Variants in DPP6 observed in about 807,000 individuals in gnomAD.
DPP6 encodes dipeptidyl peptidase like 6, also known as A-type potassium channel modulatory protein DPP6.
Under a neutral mutation model 122.6 loss-of-function variants are expected in DPP6, and 69 were observed. The ratio of observed to expected loss-of-function variants is 0.56; its 90% CI spans 0.46 to 0.69. The LOEUF (loss-of-function observed/expected upper bound fraction) is 0.69, where lower values mean the gene tolerates loss of function less well. Ranked by LOEUF, DPP6 falls within the 30% of genes least tolerant of loss-of-function variation. The pLI is 0.00. For missense variants in DPP6, 928 were observed against 1,116.9 expected (o/e 0.83, Z 2.41); for synonymous variants, 418 against 433.1 (o/e 0.97, Z 0.43).
At chr7:154,093,083 TACAC>T (rs752883665) in intron 1 of DPP6, among the ~76,000 whole-genome samples, 8 of 151,220 alleles carry the variant, frequency 5.3e-5, no homozygotes, top group Middle Eastern at 3.4e-3. Context: ...TATCACATAA[TACAC>T]ACCCCACATA....
intron 1 of DPP6, among the ~76,000 whole-genome samples, chr7:154,015,541 C>T (rs1292004487): frequency 1.3e-5 from 2 of 152,152 alleles, no homozygotes; most frequent in Non-Finnish European, 2.9e-5. Flanking sequence ...CTCCTCATCC[C>T]CATGGCCATC....
rs554355894 is a variant in DPP6 at position 153,913,706 on chromosome 7, C to A, written c.51+25972C>A. Among the ~76,000 whole-genome samples, 4 of 152,200 alleles carry A rather than the reference C, an allele frequency of 2.6e-5. No individual in the cohort carries two copies. The South Asian group carries it at 6.2e-4, about 24-fold the overall frequency. On this transcript the variant is annotated intron_variant, in intron 1 of 25. Coordinates refer to the DPP6 transcript ENST00000404039. ...CATTGTTAAACTTTGCTTTTTCAGA[C>A]CTTAGAAACATGTTAAAGTCTTGCA... is the stretch of plus-strand genomic sequence containing the variant.
Position 154,760,126 on chromosome 7 carries a change from AC to A in DPP6, c.884-9290del, listed in dbSNP as rs944734796. Among the ~76,000 whole-genome samples the A allele has an allele frequency of 1.3e-5, 2 of 152,094 alleles. No homozygotes were observed. The highest frequency in any genetic ancestry group is 2.9e-5 in the Non-Finnish European group (2 of 68,032). The stretch of plus-strand genomic sequence containing the variant: ...TGACAGAGCGAGATTCTGTCTCAAA[AC>A]AAAAAAAAGTCTATTCCCAAGGAGA... On this transcript the variant is annotated intron_variant, in intron 8 of 25. Transcript: ENST00000377770. This position sits in a 1 kb window ranked among gnomAD's most constrained non-coding sequence, Gnocchi z 4.5.
At chr7:153,897,186 A>G (rs550932995) in intron 1 of DPP6, among the ~76,000 whole-genome samples, 36 of 152,334 alleles carry the variant, frequency 2.4e-4, no homozygotes, top group Non-Finnish European at 4.0e-4. Flanking sequence ...GAGAGAGTAT[A>G]TAGTGGGGCT....
intron 8 of DPP6, among the ~76,000 whole-genome samples, chr7:154,757,000 A>G (rs1160352695): frequency 6.6e-6 from 1 of 151,216 alleles, no homozygotes; most frequent in Non-Finnish European, 1.5e-5. Flanking sequence ...ACGGCCCCTG[A>G]GGAACAGGCC....
chr7:153,856,479 A>G, the DPP6 span, among the ~76,000 whole-genome samples: 2 of 152,174 alleles, frequency 1.3e-5, no homozygotes, highest in African/African-American at 2.4e-5. Context: ...ATTTACTTTT[A>G]TTTAATTCAT....
chr7:154,312,324 C>T (rs1806971453), intron 1 of DPP6, among the ~76,000 whole-genome samples: 1 of 152,152 alleles, frequency 6.6e-6, no homozygotes, highest in African/African-American at 2.4e-5. Flanking sequence ...GCTGTGGGTC[C>T]CCTTTGATCC....
Position 154,880,780 on chromosome 7 carries a change from AG to A in DPP6, c.2079-104del, listed in dbSNP as rs1358563632. 3 of 1,578,182 alleles carry A rather than the reference AG, an allele frequency of 1.9e-6. No individual in the cohort carries two copies. In the Admixed American group the frequency reaches 5.3e-5, roughly 28 times the overall value. Reference sequence around the variant, plus strand: ...TGCTAAGGTTGCTTTTTATTTGAAGAGGGGTTTTCATCCTTGAAATGGATGG... The same window carrying A: ...TGCTAAGGTTGCTTTTTATTTGAAGAGGGTTTTCATCCTTGAAATGGATGG... On this transcript the variant is annotated intron_variant, in intron 20 of 25. Coordinates refer to ENST00000377770, the MANE Select transcript of DPP6 (RefSeq NM_130797.4).
At chr7:154,285,867 T>C in intron 1 of DPP6, among the ~76,000 whole-genome samples, 1 of 152,230 alleles carries the variant, frequency 6.6e-6, no homozygotes, top group East Asian at 1.9e-4. Flanking sequence ...GCAATTTAAC[T>C]TTCTGCAGGA....
chr7:153,905,165 G>A (rs1799797366), intron 1 of DPP6, among the ~76,000 whole-genome samples: 1 of 152,204 alleles, frequency 6.6e-6, no homozygotes, highest in Non-Finnish European at 1.5e-5. Context: ...GGCAGGTCAG[G>A]TGATTTCGTT....
chr7:154,606,777 C>T (rs1833597985), intron 5 of DPP6, among the ~76,000 whole-genome samples: 1 of 120,600 alleles, frequency 8.3e-6, no homozygotes, highest in Non-Finnish European at 1.9e-5. Flanking sequence ...GTCATAAATG[C>T]ATAATATGTA....
intron 2 of DPP6, among the ~76,000 whole-genome samples, chr7:154,463,560 G>T (rs1013955141): frequency 4.6e-5 from 7 of 152,090 alleles, no homozygotes; most frequent in Non-Finnish European, 8.8e-5. Flanking sequence ...CCACAGCTGG[G>T]AATGTCCTGG....
chr7:154,311,677 A>C (rs1806903786), intron 1 of DPP6, among the ~76,000 whole-genome samples: 1 of 152,142 alleles, frequency 6.6e-6, no homozygotes, highest in African/African-American at 2.4e-5. Context: ...TAGAATGATC[A>C]AATCCAGAAA....
At chr7:154,575,056 G>T (rs1831461893) in intron 5 of DPP6, among the ~76,000 whole-genome samples, 2 of 109,856 alleles carry the variant, frequency 1.8e-5, no homozygotes, top group Non-Finnish European at 3.6e-5. Context: ...GGTGTGTGTG[G>T]TGTGTTTGGT....
chr7:154,153,900 C>T (rs1268955236), intron 1 of DPP6, among the ~76,000 whole-genome samples: 5 of 152,086 alleles, frequency 3.3e-5, no homozygotes, highest in South Asian at 2.1e-4. Context: ...GGGCTCCAGC[C>T]GTGGGTGGCA....
At chr7:154,678,881 C>T (rs1227116334) in intron 7 of DPP6, among the ~76,000 whole-genome samples, 1 of 152,136 alleles carries the variant, frequency 6.6e-6, no homozygotes, top group African/African-American at 2.4e-5. Flanking sequence ...CCTTGTAGGG[C>T]TCATGGTGGA....
At chr7:154,057,071 C>T (rs780349260) in intron 1 of DPP6, among the ~76,000 whole-genome samples, 19 of 152,202 alleles carry the variant, frequency 1.2e-4, no homozygotes, top group Non-Finnish European at 2.2e-4. Flanking sequence ...TCTCTTGATC[C>T]CAGTGGCCCC....
chr7:154,263,206 A>G (rs1349796137), intron 1 of DPP6, among the ~76,000 whole-genome samples: 3 of 152,206 alleles, frequency 2.0e-5, no homozygotes, highest in Admixed American at 2.0e-4. Context: ...GATTGGAAGA[A>G]CAAAGGGGAA....
the DPP6 span, among the ~76,000 whole-genome samples, chr7:153,829,974 G>A: frequency 6.6e-6 from 1 of 152,210 alleles, no homozygotes; most frequent in African/African-American, 2.4e-5. Context: ...GCCACGAGGA[G>A]GGAAGCTGAG....
Sources: gnomAD v4.1 joint callset for allele counts (sites outside exome capture counted in the v4.1 genomes callset) on GRCh38, gnomAD v4.1.1 for gene constraint, Gnocchi (gnomAD v3.1) non-coding constraint, MANE v1.5 for transcripts, NCBI Gene and HGNC (gene_info 2026-07-23, HGNC 2026-07-21) for gene names.